The following CNTN6 variants were observed in gnomAD, a reference collection of about 807,000 sequenced individuals.
CNTN6 encodes the protein contactin-6.
In CNTN6, 137 loss-of-function variants were observed where a neutral mutation model predicts 122.8. The ratio of observed to expected loss-of-function variants is 1.12; its 90% CI spans 0.97 to 1.29. The LOEUF is 1.29. CNTN6 is among the 50% of genes most tolerant of loss of function. The pLI is 0.00. For missense variants in CNTN6, 1,634 were observed against 1,223.4 expected, an observed-to-expected ratio of 1.34 and a Z score of -5.01; for synonymous variants, 570 against 426.0, an observed-to-expected ratio of 1.34 and a Z score of -4.16.
chr3:1,235,986 G>A (rs1425138008), intron 4 of CNTN6, among the ~76,000 whole-genome samples: 1 of 152,006 alleles, frequency 6.6e-6, no homozygotes. Flanking sequence ...AGCAGAGGCA[G>A]CCATAATCCC....
intron 1 of CNTN6, among the ~76,000 whole-genome samples, chr3:1,111,264 C>G (rs2091467605): frequency 6.6e-6 from 1 of 152,138 alleles, no homozygotes; most frequent in Admixed American, 6.6e-5. Flanking sequence ...TTTCTATTGT[C>G]TACGCATTAT....
intron 1 of CNTN6, among the ~76,000 whole-genome samples, chr3:1,115,755 A>ATAAG (rs990127848): frequency 6.6e-6 from 1 of 152,134 alleles, no homozygotes; most frequent in African/African-American, 2.4e-5. Context: ...CTGTCTCAAA[A>ATAAG]TAAATAAATA....
At chr3:1,303,259 A>G (rs1051668890) in intron 7 of CNTN6, among the ~76,000 whole-genome samples, 2 of 152,028 alleles carry the variant, frequency 1.3e-5, no homozygotes, top group African/African-American at 4.8e-5. Flanking sequence ...ATAGTCCTAA[A>G]AGTTTCATTG....
rs115904769 is a variant in CNTN6 at position 1,278,437 on chromosome 3, C to T, written c.383C>T (p.Thr128Ile). Residue 128 changes from threonine (T) to isoleucine (I), a missense_variant, in exon 5 of 23, where the codon ACA becomes ATA. Transcript: ENST00000446702. ...FAYIEDFETK[T>I]RSTVSVREGQ... Reference sequence around the variant, plus strand: ...GATATTGAAGACTTTGAAACTAAAACAAGAAGCACAGTATCTGTCCGAGAA... The same window carrying T: ...GATATTGAAGACTTTGAAACTAAAATAAGAAGCACAGTATCTGTCCGAGAA... 2.1e-4 allele frequency: 338 copies of T among 1,608,160 alleles called. No homozygotes were observed. In the African/African-American group the frequency reaches 4.2e-3, roughly 20 times the overall value.
intron 1 of CNTN6, among the ~76,000 whole-genome samples, chr3:1,144,239 T>C (rs2092676507): frequency 6.6e-6 from 1 of 152,270 alleles, no homozygotes; most frequent in South Asian, 2.1e-4. Context: ...TGAGTCAGTG[T>C]GCTCTAGAAT....
At chr3:1,178,107 G>C (rs2093485016) in intron 2 of CNTN6, among the ~76,000 whole-genome samples, 1 of 151,792 alleles carries the variant, frequency 6.6e-6, no homozygotes, top group African/African-American at 2.4e-5. Context: ...CACCATGTTG[G>C]CCAGGCTGGT....
intron 4 of CNTN6, among the ~76,000 whole-genome samples, chr3:1,264,622 TGTG>T (rs1411804358): frequency 2.6e-5 from 4 of 152,198 alleles, no homozygotes; most frequent in Non-Finnish European, 5.9e-5. Context: ...TAGGGTAAAA[TGTG>T]GTATTTTGAT....
chr3:1,241,724 C>T (rs1316689209), intron 4 of CNTN6, among the ~76,000 whole-genome samples: 2 of 152,124 alleles, frequency 1.3e-5, no homozygotes, highest in African/African-American at 4.8e-5. Flanking sequence ...AAAAACAACA[C>T]TCCTCATTTA....
At chr3:1,168,383 T>C (rs993375141) in intron 2 of CNTN6, among the ~76,000 whole-genome samples, 1 of 148,144 alleles carries the variant, frequency 6.8e-6, no homozygotes, top group South Asian at 2.2e-4. Flanking sequence ...ACATCTAGTA[T>C]GACTGAGACT....
At chr3:1,267,523 C>T (rs11715823) in intron 4 of CNTN6, among the ~76,000 whole-genome samples, 13 of 151,986 alleles carry the variant, frequency 8.6e-5, no homozygotes, top group South Asian at 4.2e-4. Flanking sequence ...GCCCCTCTCA[C>T]GGTACACCTC....
chr3:1,273,106 A>C (rs1055006340), intron 4 of CNTN6, among the ~76,000 whole-genome samples: 4 of 152,164 alleles, frequency 2.6e-5, no homozygotes, highest in Non-Finnish European at 5.9e-5. Context: ...CAAAACCAGC[A>C]ATCAAACCAC....
chr3:1,395,308 T>G (rs536254227), intron 20 of CNTN6, among the ~76,000 whole-genome samples: 1 of 152,330 alleles, frequency 6.6e-6, no homozygotes, highest in East Asian at 1.9e-4. Context: ...TCACACATTT[T>G]TGGAGGTCAG....
intron 4 of CNTN6, among the ~76,000 whole-genome samples, chr3:1,239,976 G>T (rs571192728): frequency 6.6e-6 from 1 of 152,186 alleles, no homozygotes; most frequent in South Asian, 2.1e-4. Flanking sequence ...GCCCAGTGTA[G>T]AAGAATGAAA....
At chr3:1,195,234 C>G (rs2125402785) in intron 2 of CNTN6, among the ~76,000 whole-genome samples, 1 of 152,222 alleles carries the variant, frequency 6.6e-6, no homozygotes, top group East Asian at 1.9e-4. Context: ...CTATGTTTTT[C>G]TCCACTTTCT....
At chr3:1,168,019 T>C (rs138302594) in intron 2 of CNTN6, among the ~76,000 whole-genome samples, 1 of 152,048 alleles carries the variant, frequency 6.6e-6, no homozygotes, top group Non-Finnish European at 1.5e-5. Context: ...CACTTCTACT[T>C]CCCTCAGCCT....
At chr3:1,122,269 AAG>A (rs761642938) in intron 1 of CNTN6, among the ~76,000 whole-genome samples, 1 of 150,760 alleles carries the variant, frequency 6.6e-6, no homozygotes, top group Non-Finnish European at 1.5e-5. Flanking sequence ...AGAAAAAAGA[AAG>A]AGAGAGAGAG....
At chr3:1,288,021 C>A (rs1694649784) in intron 5 of CNTN6, among the ~76,000 whole-genome samples, 1 of 152,212 alleles carries the variant, frequency 6.6e-6, no homozygotes, top group South Asian at 2.1e-4. Context: ...TGAATCCCTT[C>A]CTGTGAGAAG....
At chr3:1,128,897 A>G (rs7636779) in intron 1 of CNTN6, among the ~76,000 whole-genome samples, 55,692 of 151,586 alleles carry the variant, frequency 0.37, 10,663 homozygotes, top group East Asian at 0.46. Flanking sequence ...TCAGTTCCAT[A>G]AAACCATTTT....
In CNTN6 at chr3:1,383,287, T is replaced by TGGTA; in HGVS notation, c.2402-4_2402-1dup. 6.2e-7 allele frequency: 1 copy of TGGTA among 1,611,744 alleles called. No homozygotes were observed. The highest frequency in any genetic ancestry group is 1.7e-5 in the Admixed American group (1 of 60,030). On this transcript the variant is annotated splice_region_variant and splice_polypyrimidine_tract_variant and intron_variant, in intron 18 of 22. Coordinates refer to ENST00000446702, the MANE Select transcript of CNTN6 (RefSeq NM_001289080.2). ...AAAGATGGTTATGTCTTTCTCTGGA[T>TGGTA]GGTAGAACCTCAACTGGCCCCAAGG...
Sources: allele counts gnomAD v4.1 joint callset (sites outside exome capture counted in the v4.1 genomes callset), GRCh38; gene constraint gnomAD v4.1.1; transcripts MANE v1.5; gene names NCBI Gene and HGNC (gene_info 2026-07-23, HGNC 2026-07-21).